Variants in NMNAT2 observed in about 807,000 individuals in gnomAD.
NMNAT2 encodes nicotinamide nucleotide adenylyltransferase 2.
Under a neutral mutation model 41.6 loss-of-function variants are expected in NMNAT2, and 11 were observed. The observed-to-expected ratio is 0.26, with a 90% CI of 0.17 to 0.44. NMNAT2 has a LOEUF of 0.44. Ranked by LOEUF, NMNAT2 falls within the 20% of genes least tolerant of loss-of-function variation. The pLI, the probability that NMNAT2 is intolerant of heterozygous loss-of-function variation, is 1.00. For missense variants in NMNAT2, 288 were observed against 407.7 expected (o/e 0.71, Z 2.53); for synonymous variants, 148 against 151.2 (o/e 0.98, Z 0.16).
At chr1:183,372,634 T>C (rs893393706) in intron 1 of NMNAT2, among the ~76,000 whole-genome samples, 1 of 152,228 alleles carries the variant, frequency 6.6e-6, no homozygotes, top group Admixed American at 6.5e-5. Context: ...GACCTCTTTC[T>C]TCAAATGCTT....
At chr1:183,270,547 G>A (rs1199716792) in intron 8 of NMNAT2, among the ~76,000 whole-genome samples, 1 of 151,810 alleles carries the variant, frequency 6.6e-6, no homozygotes, top group Non-Finnish European at 1.5e-5. Context: ...AAAAAAAAGA[G>A]AGAGAACCAT....
At chr1:183,406,879 C>T (rs186196295) in intron 1 of NMNAT2, among the ~76,000 whole-genome samples, 12 of 133,410 alleles carry the variant, frequency 9.0e-5, no homozygotes, top group Middle Eastern at 0.011. Context: ...AGTGCAGTGG[C>T]GAGATCTCAG....
intron 1 of NMNAT2, among the ~76,000 whole-genome samples, chr1:183,296,834 A>T (rs142293121): frequency 6.6e-6 from 1 of 152,214 alleles, no homozygotes; most frequent in African/African-American, 2.4e-5. Context: ...TTTTTAAAAG[A>T]GTTGTAGTAC....
At chr1:183,297,063 C>T (rs1337944315) in intron 1 of NMNAT2, among the ~76,000 whole-genome samples, 3 of 150,918 alleles carry the variant, frequency 2.0e-5, no homozygotes, top group Non-Finnish European at 4.4e-5. Context: ...ATAGTGCCTT[C>T]TAACTCTTCA....
intron 3 of NMNAT2, among the ~76,000 whole-genome samples, chr1:183,292,155 G>T (rs74129678): frequency 1.3e-5 from 2 of 152,280 alleles, no homozygotes; most frequent in South Asian, 4.1e-4. Flanking sequence ...AAATTATAAC[G>T]GTAAGAACTT....
intron 1 of NMNAT2, among the ~76,000 whole-genome samples, chr1:183,334,131 C>T (rs1416965245): frequency 6.6e-6 from 1 of 152,222 alleles, no homozygotes; most frequent in African/African-American, 2.4e-5. Flanking sequence ...GTGGCACGAT[C>T]TCGGCTCACT....
chr1:183,292,918 TACCAG>T, intron 2 of NMNAT2, 61 bp from the exon 3 acceptor site: 4 of 1,517,778 alleles, frequency 2.6e-6, no homozygotes, highest in Non-Finnish European at 2.7e-6. Context: ...ATCCTTGGGA[TACCAG>T]CCCAAGCCCA....
chr1:183,303,680 C>T (rs532787423), intron 1 of NMNAT2, among the ~76,000 whole-genome samples: 1 of 152,292 alleles, frequency 6.6e-6, no homozygotes, highest in Admixed American at 6.5e-5. Flanking sequence ...CCTACCAGGC[C>T]CTCCCTCTTC....
chr1:183,284,131 G>T, intron 6 of NMNAT2, 92 bp from the exon 7 acceptor site: 1 of 1,110,826 alleles, frequency 9.0e-7, no homozygotes, highest in South Asian at 1.4e-5. Flanking sequence ...AGGAATTATT[G>T]GGATGGGGTG....
At chr1:183,366,106 G>T (rs1571621674) in intron 1 of NMNAT2, among the ~76,000 whole-genome samples, 1 of 152,184 alleles carries the variant, frequency 6.6e-6, no homozygotes, top group African/African-American at 2.4e-5. Flanking sequence ...TCCTTAGAAA[G>T]AAACCCAAGA....
chr1:183,350,416 A>C (rs1345152339), intron 1 of NMNAT2, among the ~76,000 whole-genome samples: 1 of 152,214 alleles, frequency 6.6e-6, no homozygotes, highest in Admixed American at 6.5e-5. Context: ...AAAAGGGGGA[A>C]AGAAAACAGA....
chr1:183,411,653 A>G (rs1404931739), intron 1 of NMNAT2, among the ~76,000 whole-genome samples: 1 of 152,216 alleles, frequency 6.6e-6, no homozygotes, highest in African/African-American at 2.4e-5. Context: ...CTGTCCTAGG[A>G]GCCTGAGATA....
intron 1 of NMNAT2, among the ~76,000 whole-genome samples, chr1:183,380,334 T>G (rs1322724257): frequency 1.3e-5 from 2 of 152,230 alleles, no homozygotes; most frequent in East Asian, 3.8e-4. Context: ...CATCTGTTTA[T>G]TTTTTCTTTT....
rs867136882 is a variant in NMNAT2, at chr1:183,281,855, C to G, written c.574+2140G>C. ...GAAGGAAATATTAAAAAAGGGGACA[C>G]GTGAGCCCCAGCGCCTCACACAGCG... On this transcript the variant is annotated intron_variant, in intron 7 of 10. Transcript: ENST00000287713. Among the ~76,000 whole-genome samples the G allele has an allele frequency of 2.3e-4, 35 of 152,362 alleles. No individual in the cohort carries two copies. The Middle Eastern group carries it at 0.01, about 44-fold the overall frequency.
chr1:183,307,214 C>T (rs548092354), intron 1 of NMNAT2, among the ~76,000 whole-genome samples: 19 of 152,208 alleles, frequency 1.2e-4, no homozygotes, highest in Admixed American at 3.9e-4. Context: ...GTTCCCTCTC[C>T]GGCTTAGAAA....
At chr1:183,253,129 T>C (rs527779639) in intron 10 of NMNAT2, among the ~76,000 whole-genome samples, 1 of 151,894 alleles carries the variant, frequency 6.6e-6, no homozygotes, top group Non-Finnish European at 1.5e-5. Flanking sequence ...TATTCTTTTT[T>C]CTCAAATAAA....
At chr1:183,406,242 A>G (rs1280272506) in intron 1 of NMNAT2, among the ~76,000 whole-genome samples, 1 of 152,214 alleles carries the variant, frequency 6.6e-6, no homozygotes, top group Non-Finnish European at 1.5e-5. Context: ...ATAAGGCAGG[A>G]TGCTATGAAG....
chr1:183,327,367 T>C (rs1437347765), intron 1 of NMNAT2, among the ~76,000 whole-genome samples: 2 of 152,166 alleles, frequency 1.3e-5, no homozygotes, highest in African/African-American at 4.8e-5. Flanking sequence ...TAATTATACA[T>C]TTTTTAAATA....
At chr1:183,318,272 C>T (rs1662294486) in intron 1 of NMNAT2, among the ~76,000 whole-genome samples, 1 of 152,208 alleles carries the variant, frequency 6.6e-6, no homozygotes, top group African/African-American at 2.4e-5. Flanking sequence ...ACTGGGACTT[C>T]TGTGCCCCAG....
Sources: gnomAD v4.1 joint callset for allele counts (sites outside exome capture counted in the v4.1 genomes callset) on GRCh38, gnomAD v4.1.1 for gene constraint, MANE v1.5 for transcripts, NCBI Gene and HGNC (gene_info 2026-07-23, HGNC 2026-07-21) for gene names.